The following NOP53 variants were observed in gnomAD, a reference collection of about 807,000 sequenced individuals.
NOP53 encodes ribosome biogenesis protein NOP53.
Under a neutral mutation model 61.0 loss-of-function variants are expected in NOP53, and 40 were observed. The ratio of observed to expected loss-of-function variants is 0.66; its 90% CI spans 0.51 to 0.85. NOP53 has a LOEUF of 0.85. Ranked by LOEUF, NOP53 falls within the 40% of genes least tolerant of loss-of-function variation. The pLI, the probability that NOP53 is intolerant of heterozygous loss-of-function variation, is 0.00. For synonymous variants in NOP53, 308 were observed against 289.5 expected, an observed-to-expected ratio of 1.06 and a Z score of -0.65; for missense variants, 689 against 652.9, an observed-to-expected ratio of 1.06 and a Z score of -0.60.
chr19:47,755,127 TG>T lies in NOP53; in HGVS notation c.1054-215del, dbSNP rs1241391450. Among the ~76,000 whole-genome samples the T allele has an allele frequency of 1.0e-3, 150 of 148,200 alleles. 1 individual carries two copies. Among genetic ancestry groups the T allele is most frequent in the African/African-American group, 3.6e-3 (141 of 39,384 alleles). On this transcript the variant is annotated intron_variant, in intron 8 of 12. Transcript: ENST00000246802. ...TGGCGCTTCTGTTTGAGGGGCGGGG[TG>T]GGGGGAGGTTTCTGCACCGCAGACC... is the stretch of plus-strand genomic sequence containing the variant.
chr19:47,753,359 C>T (rs575037749), intron 6 of NOP53: 1 of 152,674 alleles, frequency 6.5e-6, no homozygotes, highest in African/African-American at 2.4e-5. Flanking sequence ...GGGAGGATTG[C>T]TTGAGCCCAG....
intron 2 of NOP53, among the ~76,000 whole-genome samples, chr19:47,749,542 A>G (rs1031401674): frequency 3.3e-5 from 5 of 152,134 alleles, no homozygotes; most frequent in African/African-American, 1.2e-4. Flanking sequence ...CAAGGGTGTT[A>G]TTCCATTCTA....
In NOP53 at chr19:47,750,992, GC is replaced by G; in HGVS notation, c.487del (p.Arg163GlyfsTer26). 6.3e-7 allele frequency: 1 copy of G among 1,595,586 alleles called. No individual in the cohort carries two copies. Among genetic ancestry groups the G allele is most frequent in the Admixed American group, 1.8e-5 (1 of 56,334 alleles). On this transcript the variant is annotated frameshift_variant, in exon 4 of 13. Coordinates refer to ENST00000246802, the MANE Select transcript of NOP53 (RefSeq NM_015710.5). LOFTEE classifies it high-confidence loss of function. The stretch of plus-strand genomic sequence containing the variant: ...AGAAGCTGGCCAAGCAGGGCGAGCT[GC>G]CCCGGGAGGTGCGCAGGGCCCAGGC... ...WEKLAKQGEL[P>X]REVRRAQARL...
In NOP53 at chr19:47,745,586, T is replaced by C. The variant is rs752026650; in HGVS notation, c.27T>C (p.Gly9=). 4 of 1,613,892 alleles carry C rather than the reference T, an allele frequency of 2.5e-6. No homozygotes were observed. The South Asian group carries it at 4.4e-5, about 18-fold the overall frequency. The change falls in exon 1 of 13, where the codon GGT becomes GGC. Residue 9 remains glycine (G), a synonymous_variant. Coordinates refer to ENST00000246802, the MANE Select transcript of NOP53 (RefSeq NM_015710.5). MAAGGSGV[G]GKRSSKSDAD... ...TGGCGGCAGGAGGCAGTGGCGTTGG[T>C]GGGAAGCGCAGCTCGAAAAGCGATG...
Position 47,754,825 on chromosome 19 carries a change from C to A in NOP53, c.987C>A (p.Ala329=). The change falls in exon 8 of 13, where the codon GCC becomes GCA. Residue 329 remains alanine, a synonymous_variant. Transcript: ENST00000246802. The surrounding 1 kb of genome is among the most constrained non-coding windows in gnomAD (Gnocchi z 4.2). ...ATGCCGAGGTCTGTCCCACGCCCGC[C>A]CGCCTGGCCACCACAGAGAAGAAGA... The part of the protein sequence containing the change: ...AGDAEVCPTP[A]RLATTEKKTE... 2 of 1,536,882 alleles carry A rather than the reference C, an allele frequency of 1.3e-6. No individual in the cohort carries two copies. Among genetic ancestry groups the A allele is most frequent in the Non-Finnish European group, 1.7e-6 (2 of 1,148,676 alleles).
rs1305022354 is a variant in NOP53, at chr19:47,754,809, T to G, written c.971T>G (p.Val324Gly). 2 of 1,534,410 alleles carry G rather than the reference T, an allele frequency of 1.3e-6. No homozygotes were observed. Among genetic ancestry groups the G allele is most frequent in the Non-Finnish European group, 1.7e-6 (2 of 1,145,242 alleles). Reference protein sequence around the residue: ...GEGPEAGDAEVCPTPARLATT... With the variant: ...GEGPEAGDAEGCPTPARLATT... ...GGGCCGGAGGCTGGGGATGCCGAGG[T>G]CTGTCCCACGCCCGCCCGCCTGGCC... The change falls in exon 8 of 13, where the codon GTC becomes GGC. Residue 324 changes from valine (V) to glycine (G), a missense_variant. Coordinates refer to ENST00000246802, the MANE Select transcript of NOP53 (RefSeq NM_015710.5). The surrounding 1 kb of genome is among the most constrained non-coding windows in gnomAD (Gnocchi z 4.2).
intron 10 of NOP53, chr19:47,756,050 C>G: frequency 5.2e-6 from 3 of 581,594 alleles, no homozygotes; most frequent in Non-Finnish European, 9.2e-6. Context: ...CCAGCTGGTC[C>G]CTGTTGCAGT....
At position 47,754,979 on chromosome 19, in the gene NOP53, G is replaced by T. The variant is rs1439962720; in HGVS notation, c.1053+88G>T. On this transcript the variant is annotated intron_variant, in intron 8 of 12. Coordinates refer to ENST00000246802, the MANE Select transcript of NOP53 (RefSeq NM_015710.5). The surrounding 1 kb of genome is among the most constrained non-coding windows in gnomAD (Gnocchi z 4.2). ...CCATGGGCTGCCCTGGGTGCTGCGGGCAGCCTGCACACCCCAAGCCCCGCA... is the reference window on the plus strand; with the variant it reads ...CCATGGGCTGCCCTGGGTGCTGCGGTCAGCCTGCACACCCCAAGCCCCGCA... 4 of 1,262,968 alleles carry T rather than the reference G, an allele frequency of 3.2e-6. No individual in the cohort carries two copies. The African/African-American group carries it at 6.1e-5, about 19-fold the overall frequency. 78.2% of individuals were successfully genotyped at this position (1,262,968 alleles called of 1,614,324 possible). A position where few individuals can be genotyped will look rare whatever the true frequency, so the allele number is the denominator to read the frequency against.
In NOP53 at chr19:47,754,485, C is replaced by T; in HGVS notation, c.766-42C>T. The T allele has an allele frequency of 7.1e-7, 1 of 1,405,124 alleles. No individual in the cohort carries two copies. The highest frequency in any genetic ancestry group is 9.8e-7 in the Non-Finnish European group (1 of 1,017,046). The allele number at this position is 1,405,124 out of a possible 1,614,324, so 87.0% of individuals were successfully genotyped here. ...GGTAAGAGGGTCTAGTCTCAGTGTC[C>T]CAGGAGGGGTTCAGGGACCCATCCT... On this transcript the variant is annotated intron_variant, in intron 6 of 12. Coordinates refer to ENST00000246802, the MANE Select transcript of NOP53 (RefSeq NM_015710.5). This position sits in a 1 kb window ranked among gnomAD's most constrained non-coding sequence, Gnocchi z 4.2.
intron 4 of NOP53, 169 bp downstream of exon 4, chr19:47,751,276 CT>C: frequency 1.4e-6 from 1 of 693,992 alleles, no homozygotes. Context: ...CCCACTCGTG[CT>C]TTTCCTTTCC....
chr19:47,748,802 C>T (rs1306723189), intron 2 of NOP53, among the ~76,000 whole-genome samples: 1 of 152,136 alleles, frequency 6.6e-6, no homozygotes, highest in East Asian at 1.9e-4. Context: ...GCGCTTGAAC[C>T]CGGGAGGCAG....
At chr19:47,748,857 C>A (rs1455592366) in intron 2 of NOP53, among the ~76,000 whole-genome samples, 1 of 151,870 alleles carries the variant, frequency 6.6e-6, no homozygotes, top group Non-Finnish European at 1.5e-5. Context: ...CCAGCCTGGG[C>A]GACAGAGCAA....
intron 1 of NOP53, chr19:47,746,104 G>T: frequency 2.6e-6 from 1 of 389,756 alleles, no homozygotes; most frequent in Non-Finnish European, 4.6e-6. Context: ...AAATATGTGT[G>T]TGTGTGTATG....
intron 2 of NOP53, among the ~76,000 whole-genome samples, chr19:47,749,915 T>C (rs545247192): frequency 6.6e-6 from 1 of 152,248 alleles, no homozygotes; most frequent in East Asian, 1.9e-4. Flanking sequence ...CCCTCCTATG[T>C]GGCTGTGGGC....
At position 47,756,559 on chromosome 19, in the gene NOP53, A is replaced by G. The variant is rs1235448557; in HGVS notation, c.1328A>G (p.Lys443Arg). 2 of 1,614,082 alleles carry G rather than the reference A, an allele frequency of 1.2e-6. No individual in the cohort carries two copies. Among genetic ancestry groups the G allele is most frequent in the Admixed American group, 1.7e-5 (1 of 60,034 alleles). Reference sequence around the variant, plus strand: ...GGCAACATCCTTCGAGACCGGTTCAAGAGCTTCCAGAGGAGGAATATGATC... The same window carrying G: ...GGCAACATCCTTCGAGACCGGTTCAGGAGCTTCCAGAGGAGGAATATGATC... ...PEGNILRDRFKSFQRRNMIEP... is the reference protein window; with the variant it reads ...PEGNILRDRFRSFQRRNMIEP... The change falls in exon 11 of 13, where the codon AAG becomes AGG. Residue 443 changes from lysine (K) to arginine (R), a missense_variant. Coordinates refer to ENST00000246802, the MANE Select transcript of NOP53 (RefSeq NM_015710.5).
chr19:47,750,785 A>G, intron 3 of NOP53, 123 bp from the exon 4 acceptor site: 1 of 774,458 alleles, frequency 1.3e-6, no homozygotes, highest in East Asian at 2.7e-5. Context: ...GCGGAGTGCC[A>G]CCTTTTGGAG....
chr19:47,755,521 C>T lies in NOP53; in HGVS notation c.1227C>T (p.Leu409=), dbSNP rs1967183804. 3 of 1,468,314 alleles carry T rather than the reference C, an allele frequency of 2.0e-6. No homozygotes were observed. The highest frequency in any genetic ancestry group is 2.7e-6 in the Non-Finnish European group (3 of 1,112,594). 91.0% of individuals were successfully genotyped at this position (1,468,314 alleles called of 1,614,324 possible). The part of the protein sequence containing the change: ...EADKPRRLGR[L]KYQAPDIDVQ... ...ACAAGCCCCGAAGGCTGGGGCGGCTCAAGTGAGAACCAGGCCGGGGGTTCT... is the reference window on the plus strand; with the variant it reads ...ACAAGCCCCGAAGGCTGGGGCGGCTTAAGTGAGAACCAGGCCGGGGGTTCT... The change falls in exon 9 of 13, where the codon CTC becomes CTT. Residue 409 remains leucine (L), a splice_region_variant and synonymous_variant. Transcript: ENST00000246802.
At chr19:47,746,940 C>G in intron 1 of NOP53, 27 bp from the exon 2 acceptor site, 3 of 1,593,562 alleles carry the variant, frequency 1.9e-6, no homozygotes, top group Non-Finnish European at 1.7e-6. Flanking sequence ...ACATCTCTGG[C>G]TGATGTTCTG....
intron 2 of NOP53, among the ~76,000 whole-genome samples, chr19:47,748,668 G>A (rs113312919): frequency 0.017 from 2,633 of 152,156 alleles, 82 homozygotes; most frequent in African/African-American, 0.06. Flanking sequence ...CCGAGGTGGG[G>A]CGGATCACTT....
Sources: gnomAD v4.1 joint callset for allele counts (sites outside exome capture counted in the v4.1 genomes callset) on GRCh38, gnomAD v4.1.1 for gene constraint, Gnocchi (gnomAD v3.1) non-coding constraint, MANE v1.5 for transcripts, NCBI Gene and HGNC (gene_info 2026-07-23, HGNC 2026-07-21) for gene names.